Variants in CHD6 observed in about 807,000 individuals in gnomAD.
CHD6 encodes ATP-dependent chromatin remodeler CHD6.
In CHD6, 50 loss-of-function variants were observed where a neutral mutation model predicts 276.9. The ratio of observed to expected loss-of-function variants is 0.18; its 90% CI spans 0.14 to 0.23. The LOEUF is 0.23. Ranked by LOEUF, CHD6 falls within the 10% of genes least tolerant of loss-of-function variation. The pLI, the probability that CHD6 is intolerant of heterozygous loss-of-function variation, is 1.00. For missense variants in CHD6, 2,564 were observed against 3,365.8 expected (o/e 0.76, Z 5.89); for synonymous variants, 1,173 against 1,229.3 (o/e 0.95, Z 0.96).
Position 41,484,554 on chromosome 20 carries a change from A to C in CHD6, c.2055T>G (p.Asp685Glu). The change falls in exon 15 of 37, where the codon GAT (aspartate) becomes GAG (glutamate). Residue 685 changes from aspartate to glutamate, a missense_variant. Around this residue, in one of 7 missense-constraint regions of CHD6, gnomAD observed 457 missense variants for 889.0 expected, o/e 0.51. Transcript: ENST00000373233. Reference sequence around the variant, plus strand: ...TGGGAGCAAGGTTCTTTTCCACATCATCTTTCAGCCGCCGAAGCATCATTG... The same window carrying C: ...TGGGAGCAAGGTTCTTTTCCACATCCTCTTTCAGCCGCCGAAGCATCATTG... Reference protein sequence around the residue: ...LKPMMLRRLKDDVEKNLAPKQ... With the variant: ...LKPMMLRRLKEDVEKNLAPKQ... The C allele has an allele frequency of 6.2e-7, 1 of 1,613,778 alleles. No homozygotes were observed. The highest frequency in any genetic ancestry group is 8.5e-7 in the Non-Finnish European group (1 of 1,179,812).
intron 23 of CHD6, 53 bp downstream of exon 23, chr20:41,450,893 C>T (rs991671967): frequency 1.1e-5 from 17 of 1,539,032 alleles, no homozygotes; most frequent in Admixed American, 1.7e-5. Flanking sequence ...TCCCAGGAAT[C>T]GAAGCAGTCT....
Position 41,450,842 on chromosome 20 carries a change from C to T in CHD6, c.3683+104G>A, listed in dbSNP as rs183571495. On this transcript the variant is annotated intron_variant, in intron 23 of 36. Transcript: ENST00000373233. Reference sequence around the variant, plus strand: ...ACATCCTGTCTTTCTAGACCTTGCACAGAAGTAGCACAAGAGCATGAAGTG... The same window carrying T: ...ACATCCTGTCTTTCTAGACCTTGCATAGAAGTAGCACAAGAGCATGAAGTG... 1.5e-4 allele frequency: 159 copies of T among 1,073,888 alleles called. No individual in the cohort carries two copies. The East Asian group carries it at 3.6e-3, about 24-fold the overall frequency. 66.5% of individuals were successfully genotyped at this position (1,073,888 alleles called of 1,614,324 possible).
chr20:41,555,130 CG>C (rs1568699039), intron 1 of CHD6, among the ~76,000 whole-genome samples: 12 of 135,168 alleles, frequency 8.9e-5, no homozygotes, highest in South Asian at 4.8e-4. Context: ...CCTCCCTCCC[CG>C]ACGGGGCGGC....
intron 36 of CHD6, among the ~76,000 whole-genome samples, chr20:41,407,171 G>A (rs950515959): frequency 5.9e-5 from 9 of 152,220 alleles, no homozygotes; most frequent in Non-Finnish European, 1.3e-4. Flanking sequence ...TCCCAGGGCT[G>A]CACCTGCGGC....
chr20:41,588,060 G>GGAT (rs2045615348), intron 1 of CHD6, among the ~76,000 whole-genome samples: 1 of 152,000 alleles, frequency 6.6e-6, no homozygotes, highest in Non-Finnish European at 1.5e-5. Flanking sequence ...GCAGCAGGTA[G>GGAT]GATGAGGAAG....
chr20:41,583,570 G>T (rs1464424251), intron 1 of CHD6, among the ~76,000 whole-genome samples: 1 of 152,128 alleles, frequency 6.6e-6, no homozygotes, highest in Admixed American at 6.5e-5. Context: ...CAAAAATGAG[G>T]ACCTACATGA....
At chr20:41,560,963 T>C (rs2045295086) in intron 1 of CHD6, among the ~76,000 whole-genome samples, 1 of 152,240 alleles carries the variant, frequency 6.6e-6, no homozygotes, top group Non-Finnish European at 1.5e-5. Context: ...TGGTTATTAC[T>C]GCTATTAGAT....
At chr20:41,407,968 T>C (rs1423754148) in intron 36 of CHD6, among the ~76,000 whole-genome samples, 1 of 152,150 alleles carries the variant, frequency 6.6e-6, no homozygotes, top group Non-Finnish European at 1.5e-5. Flanking sequence ...TACAGATTCA[T>C]AGATGTGTGA....
intron 17 of CHD6, 57 bp from the exon 18 acceptor site, chr20:41,457,485 C>G (rs1226582998): frequency 1.3e-6 from 2 of 1,566,994 alleles, no homozygotes; most frequent in Non-Finnish European, 1.7e-6. Flanking sequence ...CGGCAGCAAC[C>G]CTGGGAATAG....
At chr20:41,602,491 AAC>A (rs1264616309) in intron 1 of CHD6, among the ~76,000 whole-genome samples, 1 of 152,152 alleles carries the variant, frequency 6.6e-6, no homozygotes, top group Non-Finnish European at 1.5e-5. Context: ...TGTTTAACGA[AAC>A]ACAGTCCAGT....
At chr20:41,600,664 T>C (rs2045764657) in intron 1 of CHD6, among the ~76,000 whole-genome samples, 1 of 152,218 alleles carries the variant, frequency 6.6e-6, no homozygotes, top group South Asian at 2.1e-4. Flanking sequence ...CAATGCTCAA[T>C]AAACATTTGT....
intron 17 of CHD6, among the ~76,000 whole-genome samples, chr20:41,472,497 G>A (rs1329105006): frequency 1.3e-5 from 2 of 152,140 alleles, no homozygotes; most frequent in African/African-American, 4.8e-5. Context: ...CCTAGTGTTA[G>A]TAAATATCTC....
At chr20:41,460,382 C>T (rs1477512041) in intron 17 of CHD6, among the ~76,000 whole-genome samples, 1 of 152,218 alleles carries the variant, frequency 6.6e-6, no homozygotes, top group Non-Finnish European at 1.5e-5. Context: ...TGTGGAAAGT[C>T]TTTAGGCCAT....
intron 1 of CHD6, among the ~76,000 whole-genome samples, chr20:41,572,358 C>T (rs540615113): frequency 7.0e-4 from 107 of 152,290 alleles, no homozygotes; most frequent in Non-Finnish European, 1.2e-3. Flanking sequence ...AAGCACAAAG[C>T]ACATGGTCCC....
Position 41,414,839 on chromosome 20 carries a change from T to C in CHD6, c.6939+347A>G, listed in dbSNP as rs1032823557. ...TCCCATACCCCAGTCTTGGAGAGCCTCACTACCCCGGAGAAAAGCCGCTGC... is the reference window on the plus strand; with the variant it reads ...TCCCATACCCCAGTCTTGGAGAGCCCCACTACCCCGGAGAAAAGCCGCTGC... On this transcript the variant is annotated intron_variant, in intron 34 of 36. Transcript: ENST00000373233. 8 of 1,175,232 alleles carry C rather than the reference T, an allele frequency of 6.8e-6. No homozygotes were observed. The African/African-American group carries it at 1.2e-4, about 18-fold the overall frequency. The allele number at this position is 1,175,232 out of a possible 1,614,324, so 72.8% of individuals were successfully genotyped here.
intron 16 of CHD6, among the ~76,000 whole-genome samples, chr20:41,477,726 G>A (rs1024111115): frequency 2.6e-5 from 4 of 152,098 alleles, no homozygotes; most frequent in Non-Finnish European, 5.9e-5. Flanking sequence ...AGAATCCCAG[G>A]CAAGACACAA....
chr20:41,573,726 A>G lies in CHD6; in HGVS notation c.-23-22366T>C, dbSNP rs181935828. Reference sequence around the variant, plus strand: ...GCTTTAAAAACCTAAGAGCCATGCGAGTTAAGAGACTGTATAATATCAATG... The same window carrying G: ...GCTTTAAAAACCTAAGAGCCATGCGGGTTAAGAGACTGTATAATATCAATG... On this transcript the variant is annotated intron_variant, in intron 1 of 36. Transcript: ENST00000373233. 4.8e-3 allele frequency among the ~76,000 whole-genome samples: 733 copies of G among 152,356 alleles called. 9 individuals carry two copies. Among genetic ancestry groups the G allele is most frequent in the Non-Finnish European group, 4.3e-3 (292 of 68,036 alleles).
At chr20:41,491,854 AATG>A (rs774151360) in intron 10 of CHD6, 35 bp from the exon 11 acceptor site, 1 of 1,611,352 alleles carries the variant, frequency 6.2e-7, no homozygotes, top group Admixed American at 1.7e-5. Context: ...ATAGATAGAG[AATG>A]ATGTTTTAGG....
At chr20:41,522,185 C>T (rs535917651) in intron 3 of CHD6, among the ~76,000 whole-genome samples, 8 of 151,686 alleles carry the variant, frequency 5.3e-5, no homozygotes, top group South Asian at 2.1e-4. Context: ...ACAAAAAAAT[C>T]GGGAAAAAAA....
Sources: allele counts gnomAD v4.1 joint callset (sites outside exome capture counted in the v4.1 genomes callset), GRCh38; gene constraint gnomAD v4.1.1; regional missense constraint gnomAD v4.1.1; transcripts MANE v1.5; gene names NCBI Gene and HGNC (gene_info 2026-07-23, HGNC 2026-07-21).